Variants in CELF2 observed in about 807,000 individuals in gnomAD.
The protein encoded by CELF2 is CUGBP Elav-like family member 2.
A neutral mutation model predicts 62.6 loss-of-function variants in CELF2; 8 were observed. The observed-to-expected ratio is 0.13, with a 90% CI of 0.07 to 0.23. CELF2 has a LOEUF of 0.23. Ranked by LOEUF, CELF2 falls within the 10% of genes least tolerant of loss-of-function variation. The pLI is 1.00. For synonymous variants in CELF2, 258 were observed against 250.0 expected, an observed-to-expected ratio of 1.03 and a Z score of -0.30; for missense variants, 333 against 671.0, an observed-to-expected ratio of 0.50 and a Z score of 5.56.
At chr10:11,232,291 A>T (rs2069027391) in intron 3 of CELF2, among the ~76,000 whole-genome samples, 1 of 152,210 alleles carries the variant, frequency 6.6e-6, no homozygotes, top group Non-Finnish European at 1.5e-5. Context: ...ATTAGAGCTG[A>T]ATTAATGTAG....
chr10:10,527,989 G>A, the CELF2 span, among the ~76,000 whole-genome samples: 35 of 152,250 alleles, frequency 2.3e-4, no homozygotes, highest in East Asian at 2.5e-3. Context: ...TCCTCAGAGC[G>A]TTTAAATGAC....
intron 1 of CELF2, among the ~76,000 whole-genome samples, chr10:10,882,993 C>T (rs1334213836): frequency 2.0e-5 from 3 of 152,176 alleles, no homozygotes; most frequent in Non-Finnish European, 4.4e-5. Flanking sequence ...TATTGTCATT[C>T]TTCCTGTCTC....
intron 2 of CELF2, among the ~76,000 whole-genome samples, chr10:10,944,533 G>A (rs1677152679): frequency 1.3e-5 from 2 of 152,078 alleles, no homozygotes; most frequent in African/African-American, 4.8e-5. Context: ...ACTTTAGAGG[G>A]GGCAAGAGAG....
At chr10:11,228,564 C>G (rs967450608) in intron 3 of CELF2, among the ~76,000 whole-genome samples, 1 of 152,182 alleles carries the variant, frequency 6.6e-6, no homozygotes, top group South Asian at 2.1e-4. Context: ...TCCTGTCTTC[C>G]TTACATTGCT....
chr10:10,641,334 G>A, the CELF2 span, among the ~76,000 whole-genome samples: 1 of 152,180 alleles, frequency 6.6e-6, no homozygotes, highest in Non-Finnish European at 1.5e-5. Context: ...GCTGTGCTCA[G>A]GAGGTAAACT....
chr10:11,172,216 AATGTT>A lies in CELF2; in HGVS notation c.271+6541_271+6545del, dbSNP rs200485040. The stretch of plus-strand genomic sequence containing the variant: ...CAGGAAGGGCATCTCATCCTGAATT[AATGTT>A]ATGTTAACAGAAGGCTCTGTGTTAC... On this transcript the variant is annotated intron_variant, in intron 2 of 12. Coordinates refer to ENST00000633077, the MANE Select transcript of CELF2 (RefSeq NM_001326342.2). 6.4e-3 allele frequency among the ~76,000 whole-genome samples: 973 copies of A among 152,268 alleles called. 14 individuals carry two copies. The highest frequency in any genetic ancestry group is 0.022 in the African/African-American group (932 of 41,548).
chr10:11,211,442 A>C lies in CELF2; in HGVS notation c.272-5983A>C, dbSNP rs1030563225. Reference sequence around the variant, plus strand: ...TTTCTTAAGGGCAGAATGAGTTTAAAATCTGACCTCATATCATTGTCTAGA... The same window carrying C: ...TTTCTTAAGGGCAGAATGAGTTTAACATCTGACCTCATATCATTGTCTAGA... On this transcript the variant is annotated intron_variant, in intron 2 of 12. Transcript: ENST00000633077. This position sits in a 1 kb window ranked among gnomAD's most constrained non-coding sequence, Gnocchi z 4.8. 6.6e-6 allele frequency among the ~76,000 whole-genome samples: 1 copy of C among 152,204 alleles called. No homozygotes were observed.
the CELF2 span, among the ~76,000 whole-genome samples, chr10:10,582,752 A>G: frequency 6.6e-6 from 1 of 152,178 alleles, no homozygotes; most frequent in Non-Finnish European, 1.5e-5. Context: ...ATATGATACA[A>G]ATAAGGTAAA....
the CELF2 span, among the ~76,000 whole-genome samples, chr10:10,511,616 T>A: frequency 6.6e-6 from 1 of 152,144 alleles, no homozygotes; most frequent in South Asian, 2.1e-4. Flanking sequence ...AGGCAGTATG[T>A]GTAGTGGATA....
At chr10:11,233,858 T>A (rs1164524186) in intron 3 of CELF2, among the ~76,000 whole-genome samples, 1 of 152,234 alleles carries the variant, frequency 6.6e-6, no homozygotes, top group Non-Finnish European at 1.5e-5. Flanking sequence ...AGGTTATCCC[T>A]GTAATCCCCA....
chr10:10,631,108 C>T, the CELF2 span, among the ~76,000 whole-genome samples: 12 of 152,164 alleles, frequency 7.9e-5, no homozygotes, highest in Admixed American at 6.5e-5. Context: ...TTCATTCAAA[C>T]GTACTGATCA....
intron 7 of CELF2, among the ~76,000 whole-genome samples, chr10:11,274,214 A>G (rs2085084810): frequency 6.6e-6 from 1 of 152,154 alleles, no homozygotes; most frequent in Admixed American, 6.5e-5. Flanking sequence ...GGTCTCCCTT[A>G]CCAAAAAGAA....
Position 11,286,554 on chromosome 10 carries a change from T to C in CELF2, c.842-1864T>C, listed in dbSNP as rs956061785. Among the ~76,000 whole-genome samples the C allele has an allele frequency of 5.3e-5, 8 of 152,338 alleles. No homozygotes were observed. In the East Asian group the frequency reaches 1.4e-3, roughly 26 times the overall value. ...TCATGTGTTTGTAGGAAACAGCCCCTTGCTGGGGCCATGTTGGTCTGCAGT... is the reference window on the plus strand; with the variant it reads ...TCATGTGTTTGTAGGAAACAGCCCCCTGCTGGGGCCATGTTGGTCTGCAGT... On this transcript the variant is annotated intron_variant, in intron 8 of 12. Transcript: ENST00000633077.
chr10:11,132,165 C>A (rs2059728158), intron 1 of CELF2, among the ~76,000 whole-genome samples: 4 of 152,214 alleles, frequency 2.6e-5, no homozygotes, highest in Admixed American at 2.6e-4. Context: ...AACAATTTTG[C>A]TGCCAATTAA....
chr10:10,574,239 A>C, the CELF2 span, among the ~76,000 whole-genome samples: 1 of 152,162 alleles, frequency 6.6e-6, no homozygotes, highest in Non-Finnish European at 1.5e-5. Flanking sequence ...AGACCAATAG[A>C]AGGCTTTTGA....
the CELF2 span, among the ~76,000 whole-genome samples, chr10:10,541,748 G>A: frequency 1.3e-5 from 2 of 152,182 alleles, no homozygotes; most frequent in African/African-American, 4.8e-5. Context: ...GTTTTGGTGG[G>A]TTTTGACCGG....
intron 1 of CELF2, among the ~76,000 whole-genome samples, chr10:11,103,270 T>C (rs574188079): frequency 1.3e-5 from 2 of 152,168 alleles, no homozygotes; most frequent in East Asian, 3.9e-4. Context: ...GAGCTTCTGT[T>C]CGTCATTCAA....
chr10:11,212,817 G>GAT (rs1487382659), intron 2 of CELF2, among the ~76,000 whole-genome samples: 1 of 149,242 alleles, frequency 6.7e-6, no homozygotes, highest in Admixed American at 6.8e-5. Flanking sequence ...TGAAACAAGG[G>GAT]ATATCCTGAA....
rs2064575570 is a variant in CELF2, at chr10:11,156,937, T to C, written c.75-8549T>C. On this transcript the variant is annotated intron_variant, in intron 1 of 12. Coordinates refer to ENST00000633077, the MANE Select transcript of CELF2 (RefSeq NM_001326342.2). The surrounding 1 kb of genome is among the most constrained non-coding windows in gnomAD (Gnocchi z 4.3). ...CGGAAGAGATGAACTTTAGGTGTGCTGAATTTGAGGTGGTGCCAGAGTGTG... is the reference window on the plus strand; with the variant it reads ...CGGAAGAGATGAACTTTAGGTGTGCCGAATTTGAGGTGGTGCCAGAGTGTG... Among the ~76,000 whole-genome samples the C allele has an allele frequency of 6.6e-6, 1 of 152,210 alleles. No homozygotes were observed. Among genetic ancestry groups the C allele is most frequent in the Non-Finnish European group, 1.5e-5 (1 of 68,044 alleles).
Sources: allele counts gnomAD v4.1 joint callset (sites outside exome capture counted in the v4.1 genomes callset), GRCh38; gene constraint gnomAD v4.1.1; non-coding constraint Gnocchi (gnomAD v3.1); transcripts MANE v1.5; gene names NCBI Gene and HGNC (gene_info 2026-07-23, HGNC 2026-07-21).